BAZ1B: variants seen among roughly 807,000 people sequenced by gnomAD.
BAZ1B encodes tyrosine-protein kinase BAZ1B.
In BAZ1B, 22 loss-of-function variants were observed where a neutral mutation model predicts 153.8. That is an observed-to-expected ratio of 0.14 (90% CI 0.10 to 0.20). The LOEUF (loss-of-function observed/expected upper bound fraction) is 0.20. Among genes scored for constraint, BAZ1B ranks in the 10% least tolerant of loss-of-function variants. The probability of loss-of-function intolerance (pLI) is 1.00; values close to 1 mark genes in which losing one functional copy is unlikely to be tolerated. For missense variants in BAZ1B, 1,325 were observed against 1,799.3 expected (o/e 0.74, Z 4.77); for synonymous variants, 676 against 633.4 (o/e 1.07, Z -1.01).
intron 1 of BAZ1B, among the ~76,000 whole-genome samples, chr7:73,517,562 G>A (rs954748464): frequency 2.6e-5 from 4 of 152,020 alleles, no homozygotes; most frequent in Admixed American, 6.6e-5. Context: ...AGGCAAAAAG[G>A]CCCATCAGAA....
chr7:73,489,599 G>C lies in BAZ1B; in HGVS notation c.694-208C>G, dbSNP rs141335313. On this transcript the variant is annotated intron_variant, in intron 5 of 19. Transcript: ENST00000339594. ...GGAGGCCAAGGTATAAAGATTGTTT[G>C]AGGCCAGGAGTTACAGATCGACCTG... 1.6e-3 allele frequency among the ~76,000 whole-genome samples: 243 copies of C among 152,298 alleles called. 2 individuals are homozygous for C. The highest frequency in any genetic ancestry group is 6.2e-4 in the Non-Finnish European group (42 of 68,016).
chr7:73,462,460 C>T, intron 12 of BAZ1B: 1 of 171,706 alleles, frequency 5.8e-6, no homozygotes, highest in Admixed American at 5.5e-5. Context: ...CTTAAGGGTC[C>T]CTCTGAGCAA....
intron 12 of BAZ1B, among the ~76,000 whole-genome samples, chr7:73,460,146 G>A (rs1788342223): frequency 6.8e-6 from 1 of 146,036 alleles, no homozygotes; most frequent in Non-Finnish European, 1.5e-5. Flanking sequence ...CCAAGATCGT[G>A]CTACTGTACT....
intron 6 of BAZ1B, among the ~76,000 whole-genome samples, chr7:73,486,072 A>C (rs1207497021): frequency 6.6e-6 from 1 of 152,224 alleles, no homozygotes; most frequent in African/African-American, 2.4e-5. Context: ...TTTCTCCAAC[A>C]AATGGAACTT....
At chr7:73,508,742 G>A (rs1207385058) in intron 2 of BAZ1B, among the ~76,000 whole-genome samples, 1 of 152,162 alleles carries the variant, frequency 6.6e-6, no homozygotes, top group Non-Finnish European at 1.5e-5. Context: ...GGCAGGGCGC[G>A]GTGGCTCACG....
chr7:73,457,032 TA>T (rs1195405177), intron 13 of BAZ1B, among the ~76,000 whole-genome samples: 1 of 141,056 alleles, frequency 7.1e-6, no homozygotes, highest in Non-Finnish European at 1.5e-5. Flanking sequence ...GGAGAGAATG[TA>T]AAATTGTACA....
chr7:73,518,231 C>T (rs1163728345), intron 1 of BAZ1B, among the ~76,000 whole-genome samples: 3 of 149,506 alleles, frequency 2.0e-5, no homozygotes, highest in Non-Finnish European at 3.0e-5. Context: ...GAAACCCCAT[C>T]TCTACTAAAA....
intron 13 of BAZ1B, 64 bp from the exon 14 acceptor site, chr7:73,451,058 G>C: frequency 6.3e-7 from 1 of 1,576,494 alleles, no homozygotes; most frequent in Non-Finnish European, 8.7e-7. Flanking sequence ...AGAGAACTAG[G>C]AACAGGGGAC....
At chr7:73,455,841 C>T (rs184689776) in intron 13 of BAZ1B, among the ~76,000 whole-genome samples, 45 of 152,158 alleles carry the variant, frequency 3.0e-4, no homozygotes, top group Admixed American at 2.1e-3. Flanking sequence ...TGTGGACTAA[C>T]GGGACGGAGG....
intron 13 of BAZ1B, among the ~76,000 whole-genome samples, chr7:73,453,115 A>G (rs1047400519): frequency 6.6e-5 from 10 of 152,268 alleles, no homozygotes; most frequent in African/African-American, 2.2e-4. Context: ...TGCCAGTTGA[A>G]AAAACTTTGG....
chr7:73,450,586 T>C lies in BAZ1B; in HGVS notation c.3580+261A>G, dbSNP rs1182398681. On this transcript the variant is annotated intron_variant, in intron 14 of 19. Transcript: ENST00000339594. The surrounding 1 kb of genome is among the most constrained non-coding windows in gnomAD (Gnocchi z 4.1). ...TAAAATAGTTACAAGGATTAACTAA[T>C]TTTGTTTTCTGTAAAAAATCAGAAG... is the stretch of plus-strand genomic sequence containing the variant. 6.6e-6 allele frequency among the ~76,000 whole-genome samples: 1 copy of C among 152,212 alleles called. No individual in the cohort carries two copies. Among genetic ancestry groups the C allele is most frequent in the Non-Finnish European group, 1.5e-5 (1 of 68,038 alleles).
chr7:73,497,047 C>G (rs1350026154), intron 4 of BAZ1B, among the ~76,000 whole-genome samples: 1 of 118,628 alleles, frequency 8.4e-6, no homozygotes, highest in Non-Finnish European at 1.7e-5. Flanking sequence ...TGAACAACAT[C>G]GTGAGAACTG....
chr7:73,445,610 C>T (rs1554566321), intron 16 of BAZ1B, among the ~76,000 whole-genome samples: 2 of 152,172 alleles, frequency 1.3e-5, no homozygotes, highest in Admixed American at 6.5e-5. Context: ...GTGGCTCACA[C>T]TTGTAATCCC....
In BAZ1B at chr7:73,508,330, G is replaced by A. The variant is rs199692720; in HGVS notation, c.366C>T (p.Phe122=). The change falls in exon 3 of 20, where the codon TTC becomes TTT. Residue 122 remains phenylalanine (F), a synonymous_variant. Coordinates refer to ENST00000339594, the MANE Select transcript of BAZ1B (RefSeq NM_032408.4). The part of the protein sequence containing the change: ...TKYAVGEECD[F]EVGKEKMLKV... ...TCAGAAACGAACAGGCACTCACCTC[G>A]AAGTCACACTCTTCTCCCACAGCAT... 4.3e-6 allele frequency: 7 copies of A among 1,612,672 alleles called. No individual in the cohort carries two copies. Among genetic ancestry groups the A allele is most frequent in the African/African-American group, 2.7e-5 (2 of 74,778 alleles).
At chr7:73,500,890 T>TAAAAAAAAAAAAAAAAAAA (rs1207744313) in intron 3 of BAZ1B, among the ~76,000 whole-genome samples, 38 of 105,210 alleles carry the variant, frequency 3.6e-4, no homozygotes, top group African/African-American at 1.4e-3. Context: ...ACTCTGTTTA[T>TAAAAAAAAAAAAAAAAAAA]AAAAAAAAAA....
chr7:73,510,876 C>T, intron 1 of BAZ1B, 24 bp from the exon 2 acceptor site: 1 of 1,596,958 alleles, frequency 6.3e-7, no homozygotes, highest in East Asian at 2.2e-5. Flanking sequence ...TTCAGGAAAA[C>T]AATATGCAAG....
intron 3 of BAZ1B, among the ~76,000 whole-genome samples, chr7:73,501,450 G>A (rs932457726): frequency 2.0e-5 from 3 of 151,998 alleles, no homozygotes; most frequent in Non-Finnish European, 4.4e-5. Context: ...ACAGTACAGG[G>A]GTAATTATGT....
chr7:73,463,852 C>T (rs929590918), intron 11 of BAZ1B, among the ~76,000 whole-genome samples: 1 of 152,112 alleles, frequency 6.6e-6, no homozygotes, highest in African/African-American at 2.4e-5. Context: ...GGACTACAGG[C>T]ACCCGCCACC....
intron 7 of BAZ1B, among the ~76,000 whole-genome samples, chr7:73,475,517 A>G (rs1168134363): frequency 6.6e-6 from 1 of 152,264 alleles, no homozygotes; most frequent in Non-Finnish European, 1.5e-5. Flanking sequence ...TATCCAGAAT[A>G]GGTAAATCCA....
Sources: allele counts gnomAD v4.1 joint callset (sites outside exome capture counted in the v4.1 genomes callset), GRCh38; gene constraint gnomAD v4.1.1; non-coding constraint Gnocchi (gnomAD v3.1); transcripts MANE v1.5; gene names NCBI Gene and HGNC (gene_info 2026-07-23, HGNC 2026-07-21).